The following MAGI1 variants were observed in gnomAD, a reference collection of about 807,000 sequenced individuals.
MAGI1 encodes membrane associated guanylate kinase, WW and PDZ domain containing 1.
MAGI1 carries 58 observed loss-of-function variants against 139.9 expected under a neutral mutation model. That is an observed-to-expected ratio of 0.41 (90% CI 0.34 to 0.52). MAGI1 has a LOEUF of 0.52. Ranked by LOEUF, MAGI1 falls within the 20% of genes least tolerant of loss-of-function variation. MAGI1 has a pLI of 0.12. For missense variants in MAGI1, 1,874 were observed against 1,901.6 expected (o/e 0.99, Z 0.27); for synonymous variants, 812 against 737.9 (o/e 1.10, Z -1.63).
At chr3:65,476,212 G>A (rs530957588) in intron 4 of MAGI1, among the ~76,000 whole-genome samples, 42 of 152,230 alleles carry the variant, frequency 2.8e-4, no homozygotes, top group Non-Finnish European at 4.4e-5. Context: ...AGCTGTCGCA[G>A]GTACACTGTT....
In MAGI1 at chr3:65,356,699, C is replaced by T. The variant is rs1273910440; in HGVS notation, c.4068G>A (p.Glu1356=). The change falls in exon 23 of 23, where the codon GAG becomes GAA. Residue 1356 remains glutamate, a synonymous_variant. Coordinates refer to ENST00000402939, the MANE Select transcript of MAGI1 (RefSeq NM_001033057.2). ...RRDVSPERRR[E]RSPTRRRDGS... ...CGTCTCTCCTGCGGGTGGGTGACCG[C>T]TCTCGCCTCCGCTCCGGAGAGACGT... The T allele has an allele frequency of 1.3e-6, 2 of 1,593,396 alleles. No homozygotes were observed. The highest frequency in any genetic ancestry group is 2.7e-5 in the African/African-American group (2 of 74,198).
chr3:65,812,550 G>C (rs2108206585), intron 1 of MAGI1, among the ~76,000 whole-genome samples: 1 of 150,334 alleles, frequency 6.7e-6, no homozygotes, highest in South Asian at 2.1e-4. Context: ...ATGGTTTCAA[G>C]TTTGGCAGAA....
At chr3:65,507,327 G>GTT (rs1461313982) in intron 2 of MAGI1, among the ~76,000 whole-genome samples, 1 of 152,130 alleles carries the variant, frequency 6.6e-6, no homozygotes, top group African/African-American at 2.4e-5. Flanking sequence ...CCTTGAAGGG[G>GTT]TTTTAGATTT....
chr3:65,383,460 T>G (rs1943214387), intron 15 of MAGI1, 72 bp downstream of exon 15: 1 of 1,108,736 alleles, frequency 9.0e-7, no homozygotes. Flanking sequence ...TCTTGGTGAT[T>G]TGTCACTGTC....
At chr3:65,823,236 CAGAA>C (rs1240267705) in intron 1 of MAGI1, among the ~76,000 whole-genome samples, 10 of 152,186 alleles carry the variant, frequency 6.6e-5, no homozygotes, top group African/African-American at 2.4e-4. Flanking sequence ...TGGGCCTGGA[CAGAA>C]TTAAGCAGAG....
chr3:65,833,545 A>G (rs2042641937), intron 1 of MAGI1, among the ~76,000 whole-genome samples: 1 of 152,228 alleles, frequency 6.6e-6, no homozygotes, highest in African/African-American at 2.4e-5. Flanking sequence ...CTTTCACTGA[A>G]TGTGCAAGTA....
intron 1 of MAGI1, among the ~76,000 whole-genome samples, chr3:65,686,437 G>A (rs561174742): frequency 6.6e-5 from 10 of 152,052 alleles, no homozygotes; most frequent in African/African-American, 1.2e-4. Flanking sequence ...GACTGCAGGC[G>A]CACACCACCA....
chr3:65,498,026 G>C (rs549312926), intron 2 of MAGI1, among the ~76,000 whole-genome samples: 1 of 152,254 alleles, frequency 6.6e-6, no homozygotes, highest in South Asian at 2.1e-4. Context: ...AACCTGACCA[G>C]GCTCTATTCA....
rs147392360 is a variant in MAGI1 at position 65,725,262 on chromosome 3, C to T, written c.314-103174G>A. Among the ~76,000 whole-genome samples the T allele has an allele frequency of 1.9e-4, 29 of 152,282 alleles. No individual in the cohort carries two copies. In the East Asian group the frequency reaches 5.2e-3, roughly 27 times the overall value. On this transcript the variant is annotated intron_variant, in intron 1 of 22. Transcript: ENST00000402939. ...GTCAGGATGTGAAACCAGGCTCTAT[C>T]TCCTTATAGCCTTGAAGGGACCACT...
At chr3:65,833,411 G>T (rs759600479) in intron 1 of MAGI1, among the ~76,000 whole-genome samples, 1 of 152,042 alleles carries the variant, frequency 6.6e-6, no homozygotes, top group Non-Finnish European at 1.5e-5. Flanking sequence ...GAGCCACCAC[G>T]CCTGGCCTAG....
intron 2 of MAGI1, among the ~76,000 whole-genome samples, chr3:65,616,521 C>T (rs1348574090): frequency 1.3e-5 from 2 of 152,086 alleles, no homozygotes; most frequent in Non-Finnish European, 2.9e-5. Flanking sequence ...ACAGAGGATC[C>T]GGTACACAGT....
At chr3:65,573,729 T>C (rs1439268160) in intron 2 of MAGI1, among the ~76,000 whole-genome samples, 1 of 152,148 alleles carries the variant, frequency 6.6e-6, no homozygotes, top group Non-Finnish European at 1.5e-5. Flanking sequence ...CTAGAGGCTA[T>C]AGCCAGTGCA....
chr3:66,007,356 A>C (rs1231022112), intron 1 of MAGI1, among the ~76,000 whole-genome samples: 1 of 152,220 alleles, frequency 6.6e-6, no homozygotes, highest in Non-Finnish European at 1.5e-5. Flanking sequence ...AACAGGTAAG[A>C]ATCAAGTTGT....
chr3:65,977,164 A>G (rs942048368), intron 1 of MAGI1, among the ~76,000 whole-genome samples: 2 of 152,176 alleles, frequency 1.3e-5, no homozygotes, highest in South Asian at 2.1e-4. Flanking sequence ...AGGCATCTCA[A>G]CATTGGAAAG....
At chr3:65,372,299 G>A (rs1041896631) in intron 18 of MAGI1, among the ~76,000 whole-genome samples, 8 of 152,202 alleles carry the variant, frequency 5.3e-5, no homozygotes, top group African/African-American at 1.9e-4. Flanking sequence ...GTGACCAGGT[G>A]TATTGTCCAT....
intron 2 of MAGI1, among the ~76,000 whole-genome samples, chr3:65,546,001 C>A (rs529921701): frequency 3.5e-5 from 5 of 144,416 alleles, no homozygotes; most frequent in Non-Finnish European, 7.6e-5. Flanking sequence ...CACGCACACA[C>A]ACACACACAC....
At chr3:65,557,510 C>G (rs1017357180) in intron 2 of MAGI1, among the ~76,000 whole-genome samples, 4 of 152,204 alleles carry the variant, frequency 2.6e-5, no homozygotes, top group African/African-American at 9.6e-5. Context: ...CCCTCAGAAA[C>G]TGTGTGAGAT....
At chr3:65,834,575 T>C (rs1432582938) in intron 1 of MAGI1, among the ~76,000 whole-genome samples, 1 of 152,246 alleles carries the variant, frequency 6.6e-6, no homozygotes, top group Non-Finnish European at 1.5e-5. Flanking sequence ...GGAAGGTCTA[T>C]AAATGCCAAT....
At chr3:65,549,387 A>C (rs1576286885) in intron 2 of MAGI1, 1 of 978,436 alleles carries the variant, frequency 1.0e-6, no homozygotes, top group Admixed American at 6.3e-5. Flanking sequence ...TCACTTCCAA[A>C]CCCAAGGACA....
Sources: gnomAD v4.1 joint callset for allele counts (sites outside exome capture counted in the v4.1 genomes callset) on GRCh38, gnomAD v4.1.1 for gene constraint, MANE v1.5 for transcripts, NCBI Gene and HGNC (gene_info 2026-07-23, HGNC 2026-07-21) for gene names.